SCFD2: variants seen among roughly 807,000 people sequenced by gnomAD.
The protein encoded by SCFD2 is sec1 family domain containing 2.
Under a neutral mutation model 58.9 loss-of-function variants are expected in SCFD2, and 54 were observed. The observed-to-expected ratio is 0.92, with a 90% CI of 0.74 to 1.15. SCFD2 has a LOEUF of 1.15. Among genes scored for constraint, SCFD2 ranks in the 50% most tolerant of loss-of-function variants. The pLI, the probability that SCFD2 is intolerant of heterozygous loss-of-function variation, is 0.00. For synonymous variants in SCFD2, 321 were observed against 335.9 expected (o/e 0.96, Z 0.49); for missense variants, 805 against 836.6 (o/e 0.96, Z 0.47).
intron 6 of SCFD2, among the ~76,000 whole-genome samples, chr4:52,911,993 T>G (rs1353431987): frequency 3.3e-5 from 5 of 152,130 alleles, no homozygotes; most frequent in Non-Finnish European, 7.3e-5. Flanking sequence ...CACTTGAAGC[T>G]GCCCCTCCTC....
At chr4:52,898,062 T>A (rs888168876) in intron 7 of SCFD2, among the ~76,000 whole-genome samples, 4 of 152,146 alleles carry the variant, frequency 2.6e-5, no homozygotes, top group Non-Finnish European at 5.9e-5. Flanking sequence ...CTTTATTAGT[T>A]TTGCTAGCAG....
intron 5 of SCFD2, among the ~76,000 whole-genome samples, chr4:52,930,999 T>G (rs1027081500): frequency 2.0e-5 from 3 of 152,104 alleles, no homozygotes; most frequent in African/African-American, 7.2e-5. Flanking sequence ...CTACTGTAAG[T>G]GGGGGAAATG....
At chr4:52,971,153 C>T (rs1053918978) in intron 5 of SCFD2, among the ~76,000 whole-genome samples, 2 of 152,132 alleles carry the variant, frequency 1.3e-5, no homozygotes, top group Non-Finnish European at 2.9e-5. Flanking sequence ...AGCAATGGAA[C>T]AAAGCTGGAT....
chr4:53,097,815 C>T (rs1724702962), intron 5 of SCFD2, among the ~76,000 whole-genome samples: 1 of 152,114 alleles, frequency 6.6e-6, no homozygotes, highest in South Asian at 2.1e-4. Flanking sequence ...GCAATGCTTC[C>T]AGTTTTTGTC....
At chr4:53,131,544 T>C (rs1461122473) in intron 5 of SCFD2, among the ~76,000 whole-genome samples, 1 of 151,944 alleles carries the variant, frequency 6.6e-6, no homozygotes, top group Non-Finnish European at 1.5e-5. Flanking sequence ...GATGAGGGAG[T>C]ATATTGATTC....
At chr4:53,061,887 G>A in intron 5 of SCFD2, among the ~76,000 whole-genome samples, 1 of 152,012 alleles carries the variant, frequency 6.6e-6, no homozygotes, top group East Asian at 1.9e-4. Context: ...ACAAACTGGT[G>A]CAAGAGAAAC....
At chr4:53,007,403 AAGGGAGGG>A (rs777275492) in intron 5 of SCFD2, among the ~76,000 whole-genome samples, 16 of 116,810 alleles carry the variant, frequency 1.4e-4, no homozygotes, top group African/African-American at 3.5e-4. Context: ...GGAAGGAAGG[AAGGGAGGG>A]AGGGAGGGAG....
chr4:53,213,485 T>A (rs886880310), intron 4 of SCFD2, among the ~76,000 whole-genome samples: 1 of 152,124 alleles, frequency 6.6e-6, no homozygotes, highest in Admixed American at 6.5e-5. Context: ...CTGCTTTCAG[T>A]CATGCTCTGT....
intron 5 of SCFD2, among the ~76,000 whole-genome samples, chr4:52,933,730 T>G (rs1404088840): frequency 6.6e-6 from 1 of 152,208 alleles, no homozygotes; most frequent in Non-Finnish European, 1.5e-5. Context: ...AAATAAAAAC[T>G]CTAAAGTAGT....
chr4:53,062,267 G>A (rs1023294906), intron 5 of SCFD2, among the ~76,000 whole-genome samples: 2 of 151,838 alleles, frequency 1.3e-5, no homozygotes, highest in Non-Finnish European at 2.9e-5. Flanking sequence ...TGCTACTTGG[G>A]AAGCTGAAGC....
At chr4:53,016,619 G>C (rs1722219599) in intron 5 of SCFD2, among the ~76,000 whole-genome samples, 1 of 152,138 alleles carries the variant, frequency 6.6e-6, no homozygotes, top group South Asian at 2.1e-4. Context: ...CTTTGTACTA[G>C]ACAAAATAAA....
chr4:52,993,203 G>C (rs924531327), intron 5 of SCFD2, among the ~76,000 whole-genome samples: 3 of 147,924 alleles, frequency 2.0e-5, no homozygotes, highest in Admixed American at 6.8e-5. Context: ...CAGCATGCTC[G>C]TTAAGAGTCA....
intron 5 of SCFD2, among the ~76,000 whole-genome samples, chr4:52,960,853 G>C (rs1245229540): frequency 6.6e-6 from 1 of 152,150 alleles, no homozygotes; most frequent in South Asian, 2.1e-4. Flanking sequence ...AAGATGCAAA[G>C]ATGTGTAAGA....
At chr4:53,020,855 G>T (rs1258156618) in intron 5 of SCFD2, among the ~76,000 whole-genome samples, 1 of 152,130 alleles carries the variant, frequency 6.6e-6, no homozygotes, top group Non-Finnish European at 1.5e-5. Flanking sequence ...ATGACTACCT[G>T]TTCCTGCCCT....
chr4:53,106,118 G>A (rs1190062178), intron 5 of SCFD2, among the ~76,000 whole-genome samples: 1 of 152,196 alleles, frequency 6.6e-6, no homozygotes, highest in Non-Finnish European at 1.5e-5. Flanking sequence ...CAGACCTGCA[G>A]CAGAGGGGCC....
intron 4 of SCFD2, among the ~76,000 whole-genome samples, chr4:53,245,669 C>A (rs1730045369): frequency 6.6e-6 from 1 of 151,952 alleles, no homozygotes; most frequent in Non-Finnish European, 1.5e-5. Context: ...AGGAATATAC[C>A]TCATACAAAC....
At chr4:52,970,631 G>A (rs1177572404) in intron 5 of SCFD2, among the ~76,000 whole-genome samples, 1 of 152,224 alleles carries the variant, frequency 6.6e-6, no homozygotes, top group Non-Finnish European at 1.5e-5. Context: ...GTCCTCTGCA[G>A]ACTTAAATGT....
intron 5 of SCFD2, among the ~76,000 whole-genome samples, chr4:53,109,345 T>C (rs1479007495): frequency 6.6e-6 from 1 of 152,106 alleles, no homozygotes; most frequent in Admixed American, 6.5e-5. Flanking sequence ...CTATTCAACA[T>C]AATATTGGAA....
intron 2 of SCFD2, among the ~76,000 whole-genome samples, chr4:53,347,299 G>A (rs1448628285): frequency 6.6e-6 from 1 of 152,066 alleles, no homozygotes; most frequent in African/African-American, 2.4e-5. Flanking sequence ...TTCACTCACC[G>A]ATCCTGCCCT....
Sources: allele counts gnomAD v4.1 joint callset (sites outside exome capture counted in the v4.1 genomes callset), GRCh38; gene constraint gnomAD v4.1.1; transcripts MANE v1.5; gene names NCBI Gene and HGNC (gene_info 2026-07-23, HGNC 2026-07-21).